RAB28: variants seen among roughly 807,000 people sequenced by gnomAD.
The protein encoded by RAB28 is RAB28, member RAS oncogene family.
In RAB28, 24 loss-of-function variants were observed where a neutral mutation model predicts 31.7. That is an observed-to-expected ratio of 0.76 (90% confidence interval 0.55 to 1.06). RAB28 has a LOEUF of 1.06. RAB28 is among the 50% of genes least tolerant of loss of function. The pLI, the probability that RAB28 is intolerant of heterozygous loss-of-function variation, is 0.00. For missense variants in RAB28, 254 were observed against 258.5 expected, an observed-to-expected ratio of 0.98 and a Z score of 0.12; for synonymous variants, 100 against 90.4, an observed-to-expected ratio of 1.11 and a Z score of -0.60.
intron 4 of RAB28, among the ~76,000 whole-genome samples, chr4:13,457,388 C>T (rs918786819): frequency 6.6e-6 from 1 of 152,044 alleles, no homozygotes; most frequent in African/African-American, 2.4e-5. Flanking sequence ...CCCTAATAGG[C>T]TTAACTGCAG....
At chr4:13,405,404 T>A (rs1469543366) in intron 4 of RAB28, among the ~76,000 whole-genome samples, 1 of 152,152 alleles carries the variant, frequency 6.6e-6, no homozygotes, top group Non-Finnish European at 1.5e-5. Flanking sequence ...AAGAAATACA[T>A]AGTAAATTAA....
chr4:13,453,688 G>A (rs1446956709), intron 4 of RAB28, among the ~76,000 whole-genome samples: 3 of 151,808 alleles, frequency 2.0e-5, no homozygotes, highest in African/African-American at 7.3e-5. Context: ...GGTTTCTGCT[G>A]AAAAATCCAC....
At chr4:13,404,832 G>T (rs1711979228) in intron 4 of RAB28, among the ~76,000 whole-genome samples, 1 of 151,554 alleles carries the variant, frequency 6.6e-6, no homozygotes, top group African/African-American at 2.4e-5. Flanking sequence ...AACAAATTCA[G>T]TTAATATCTT....
chr4:13,478,345 A>G (rs1473119660), intron 2 of RAB28, among the ~76,000 whole-genome samples: 5 of 151,522 alleles, frequency 3.3e-5, no homozygotes, highest in Non-Finnish European at 7.4e-5. Context: ...TTTTTTTCTC[A>G]TGGGATATCT....
At chr4:13,441,793 C>A (rs899439693) in intron 4 of RAB28, among the ~76,000 whole-genome samples, 1 of 152,152 alleles carries the variant, frequency 6.6e-6, no homozygotes, top group African/African-American at 2.4e-5. Flanking sequence ...TCCATTAATA[C>A]TTAACCTTTA....
chr4:13,418,889 T>C (rs1310230659), intron 4 of RAB28, among the ~76,000 whole-genome samples: 1 of 152,150 alleles, frequency 6.6e-6, no homozygotes, highest in East Asian at 1.9e-4. Context: ...CAGGATCAAA[T>C]TCACACATAA....
chr4:13,453,394 G>A (rs1434958755), intron 4 of RAB28, among the ~76,000 whole-genome samples: 1 of 151,870 alleles, frequency 6.6e-6, no homozygotes, highest in Non-Finnish European at 1.5e-5. Flanking sequence ...TTTTCTGTTG[G>A]GAAAGATTTC....
chr4:13,423,008 T>C (rs1211507378), intron 4 of RAB28, among the ~76,000 whole-genome samples: 5 of 152,322 alleles, frequency 3.3e-5, no homozygotes, highest in African/African-American at 4.8e-5. Context: ...TAAGTAATGA[T>C]ACATTCGAGG....
intron 4 of RAB28, among the ~76,000 whole-genome samples, chr4:13,458,732 A>T (rs1369700270): frequency 6.6e-6 from 1 of 152,224 alleles, no homozygotes; most frequent in African/African-American, 2.4e-5. Flanking sequence ...ATGCTTAGAC[A>T]GATAAATACT....
chr4:13,446,931 T>C (rs1026514951), intron 4 of RAB28, among the ~76,000 whole-genome samples: 1 of 152,160 alleles, frequency 6.6e-6, no homozygotes, highest in East Asian at 1.9e-4. Context: ...AAACTTTTAA[T>C]CCTTACCCAA....
intron 5 of RAB28, among the ~76,000 whole-genome samples, chr4:13,380,279 A>C (rs1298495861): frequency 4.4e-4 from 67 of 152,158 alleles, no homozygotes; most frequent in Admixed American, 4.4e-3. Flanking sequence ...TAAAACTATA[A>C]AGGATATTAC....
At chr4:13,388,317 T>C (rs183599747) in intron 4 of RAB28, among the ~76,000 whole-genome samples, 330 of 152,162 alleles carry the variant, frequency 2.2e-3, no homozygotes, top group Non-Finnish European at 3.8e-3. Context: ...GATTTTCACA[T>C]GTAAAAGAAT....
In RAB28 at chr4:13,368,476, G is replaced by A. The variant is rs1728594269; in HGVS notation, c.*82C>T. On this transcript the variant is annotated 3_prime_UTR_variant, in exon 7 of 7. Transcript: ENST00000330852. The stretch of plus-strand genomic sequence containing the variant: ...TAACTGAACTACAGAGATGGTCACT[G>A]ATAAAACAAGTTCCTAGAAGTCCTC... 2 of 1,493,528 alleles carry A rather than the reference G, an allele frequency of 1.3e-6. No individual in the cohort carries two copies. The highest frequency in any genetic ancestry group is 2.9e-5 in the African/African-American group (2 of 68,988). 92.5% of individuals were successfully genotyped at this position (1,493,528 alleles called of 1,614,324 possible).
chr4:13,392,883 A>C (rs1048706723), intron 4 of RAB28, among the ~76,000 whole-genome samples: 1 of 152,246 alleles, frequency 6.6e-6, no homozygotes, highest in African/African-American at 2.4e-5. Flanking sequence ...TCTCATCTAT[A>C]AAATGAAAAC....
At chr4:13,405,671 T>G (rs1334998436) in intron 4 of RAB28, among the ~76,000 whole-genome samples, 1 of 152,166 alleles carries the variant, frequency 6.6e-6, no homozygotes, top group Admixed American at 6.5e-5. Flanking sequence ...AAAGAGGAAC[T>G]ACTGAACCCT....
intron 6 of RAB28, among the ~76,000 whole-genome samples, chr4:13,375,061 C>T (rs966788159): frequency 2.0e-5 from 3 of 152,124 alleles, no homozygotes; most frequent in Non-Finnish European, 4.4e-5. Context: ...TCCCTTCCCA[C>T]TCCAAACTGC....
intron 3 of RAB28, among the ~76,000 whole-genome samples, chr4:13,471,112 A>C (rs1440423742): frequency 1.3e-5 from 2 of 152,230 alleles, no homozygotes; most frequent in East Asian, 3.9e-4. Context: ...ATAACACATT[A>C]AACTGATATC....
At chr4:13,474,542 A>T (rs1383033782) in intron 2 of RAB28, 136 bp from the exon 3 acceptor site, 4 of 477,528 alleles carry the variant, frequency 8.4e-6, no homozygotes, top group Non-Finnish European at 1.5e-5. Flanking sequence ...GTGCAGGCTC[A>T]CATGATATTT....
At chr4:13,473,687 TG>T (rs1716217645) in intron 3 of RAB28, 1 of 250,180 alleles carries the variant, frequency 4.0e-6, no homozygotes, top group Admixed American at 5.3e-5. Context: ...TATAAGCTCA[TG>T]GAGAATATAA....
Sources: allele counts gnomAD v4.1 joint callset (sites outside exome capture counted in the v4.1 genomes callset), GRCh38; gene constraint gnomAD v4.1.1; transcripts MANE v1.5; gene names NCBI Gene and HGNC (gene_info 2026-07-23, HGNC 2026-07-21).